Variants in LAMA3 observed in about 807,000 individuals in gnomAD.
LAMA3 encodes laminin subunit alpha-3.
LAMA3 carries 281 observed loss-of-function variants against 402.0 expected under a neutral mutation model. The ratio of observed to expected loss-of-function variants is 0.70; its 90% CI spans 0.63 to 0.77. The LOEUF is 0.77. LAMA3 is among the 30% of genes least tolerant of loss of function. The probability of loss-of-function intolerance (pLI) is 0.00; values close to 1 mark genes in which losing one functional copy is unlikely to be tolerated. For synonymous variants in LAMA3, 1,431 were observed against 1,558.4 expected, an observed-to-expected ratio of 0.92 and a Z score of 1.93; for missense variants, 3,840 against 4,215.5, an observed-to-expected ratio of 0.91 and a Z score of 2.47.
chr18:23,921,181 G>A, intron 61 of LAMA3, 127 bp downstream of exon 61: 2 of 1,101,554 alleles, frequency 1.8e-6, no homozygotes, highest in Non-Finnish European at 2.6e-6. Context: ...TTAACTGAGG[G>A]ATATATCCTT....
At position 23,689,689 on chromosome 18, in the gene LAMA3, G is replaced by A; in HGVS notation, c.6G>A (p.Ala2=). 2 of 1,317,512 alleles carry A rather than the reference G, an allele frequency of 1.5e-6. No individual in the cohort carries two copies. The highest frequency in any genetic ancestry group is 4.4e-5 in the South Asian group (2 of 45,304). The allele number at this position is 1,317,512 out of a possible 1,614,324, so 81.6% of individuals were successfully genotyped here. A position where few individuals can be genotyped will look rare whatever the true frequency, so the allele number is the denominator to read the frequency against. Reference sequence around the variant, plus strand: ...GGAGGACCCCGCGCGGCTGGATGGCGGCGGCCGCGCGGCCTCGGGGTCGGG... The same window carrying A: ...GGAGGACCCCGCGCGGCTGGATGGCAGCGGCCGCGCGGCCTCGGGGTCGGG... The part of the protein sequence containing the change: M[A]AAARPRGRAL... Residue 2 remains alanine (A), a synonymous_variant, in exon 1 of 75, where the codon GCG becomes GCA. Coordinates refer to ENST00000313654, the MANE Select transcript of LAMA3 (RefSeq NM_198129.4).
intron 1 of LAMA3, among the ~76,000 whole-genome samples, chr18:23,711,910 T>C (rs1178672830): frequency 6.6e-6 from 1 of 152,208 alleles, no homozygotes; most frequent in Non-Finnish European, 1.5e-5. Context: ...ATCATAAGCA[T>C]TCCCATTTTG....
At chr18:23,702,148 C>T (rs2060802165) in intron 1 of LAMA3, among the ~76,000 whole-genome samples, 1 of 151,536 alleles carries the variant, frequency 6.6e-6, no homozygotes, top group African/African-American at 2.4e-5. Flanking sequence ...TAAGCAAATT[C>T]ACGAGGTGAG....
chr18:23,824,613 T>G (rs777469889), intron 21 of LAMA3, 48 bp downstream of exon 21: 2 of 1,598,982 alleles, frequency 1.3e-6, no homozygotes, highest in Non-Finnish European at 1.7e-6. Context: ...TCTTCCTACC[T>G]CAGAAGTGGT....
chr18:23,829,739 T>C (rs1026062094), intron 23 of LAMA3, among the ~76,000 whole-genome samples: 2 of 152,232 alleles, frequency 1.3e-5, no homozygotes, highest in Non-Finnish European at 2.9e-5. Flanking sequence ...TAGTGAACAT[T>C]GTACCTAATA....
chr18:23,783,818 C>T (rs779823820), intron 11 of LAMA3, among the ~76,000 whole-genome samples: 9 of 151,604 alleles, frequency 5.9e-5, no homozygotes, highest in East Asian at 1.9e-4. Flanking sequence ...CCCATCCTTA[C>T]GTGTTTTTTT....
chr18:23,858,304 T>C (rs1001569464), intron 33 of LAMA3, among the ~76,000 whole-genome samples: 1 of 152,196 alleles, frequency 6.6e-6, no homozygotes, highest in East Asian at 1.9e-4. Flanking sequence ...TCCTGGACCA[T>C]GGACTCCAGG....
intron 8 of LAMA3, among the ~76,000 whole-genome samples, chr18:23,766,890 G>C (rs1473601751): frequency 6.6e-6 from 1 of 151,776 alleles, no homozygotes; most frequent in Non-Finnish European, 1.5e-5. Flanking sequence ...TCAAGAGAAA[G>C]ATATAGAAGA....
At chr18:23,815,106 G>T in intron 15 of LAMA3, 82 bp from the exon 16 acceptor site, 3 of 1,233,990 alleles carry the variant, frequency 2.4e-6, no homozygotes, top group Non-Finnish European at 3.6e-6. Context: ...CACACGTTGT[G>T]TTGCAGCTGT....
chr18:23,850,714 T>C (rs1293162976), intron 32 of LAMA3, among the ~76,000 whole-genome samples: 2 of 152,252 alleles, frequency 1.3e-5, no homozygotes, highest in Non-Finnish European at 1.5e-5. Context: ...TTTATAGCGA[T>C]GAAAAAGTAA....
At chr18:23,797,714 C>CA (rs751020854) in intron 12 of LAMA3, among the ~76,000 whole-genome samples, 1,725 of 119,648 alleles carry the variant, frequency 0.014, 12 homozygotes, top group Middle Eastern at 0.071. Flanking sequence ...GACTCCGTCT[C>CA]AAAAAAAAAA....
chr18:23,804,419 G>A (rs1239516114), intron 12 of LAMA3, among the ~76,000 whole-genome samples: 1 of 152,188 alleles, frequency 6.6e-6, no homozygotes, highest in East Asian at 1.9e-4. Context: ...TGAGGTAGAA[G>A]ACTCTGGATG....
At chr18:23,824,676 G>C in intron 21 of LAMA3, 111 bp downstream of exon 21, 1 of 1,250,028 alleles carries the variant, frequency 8.0e-7, no homozygotes, top group Non-Finnish European at 1.2e-6. Flanking sequence ...ATCATTGGTG[G>C]TTTTAGACAC....
chr18:23,714,328 T>C (rs998478357), intron 2 of LAMA3, among the ~76,000 whole-genome samples: 24 of 152,242 alleles, frequency 1.6e-4, no homozygotes, highest in Admixed American at 1.5e-3. Flanking sequence ...GAGACCAGCC[T>C]GATCAACATG....
intron 37 of LAMA3, 46 bp downstream of exon 37, chr18:23,867,963 T>C: frequency 7.2e-7 from 1 of 1,391,262 alleles, no homozygotes; most frequent in Non-Finnish European, 1.0e-6. Flanking sequence ...TTTTGTGACT[T>C]AATTATTTCA....
At chr18:23,916,780 C>T in intron 60 of LAMA3, 85 bp downstream of exon 60, 1 of 1,310,506 alleles carries the variant, frequency 7.6e-7, no homozygotes, top group South Asian at 1.2e-5. Context: ...TATAAATGAC[C>T]CACTAGATCT....
Position 23,689,907 on chromosome 18 carries a change from GGCCCCA to G in LAMA3, c.229_234del (p.Gln77_Pro78del). The G allele has an allele frequency of 6.5e-7, 1 of 1,535,318 alleles. No individual in the cohort carries two copies. Among genetic ancestry groups the G allele is most frequent in the Non-Finnish European group, 8.8e-7 (1 of 1,141,056 alleles). ...GGGGAGAGGGGACCCGGCGAGGGGA[GGCCCCA>G]GCCCGAGCTCTACTGCAAGTTGGTC... On this transcript the variant is annotated inframe_deletion, in exon 1 of 75. Transcript: ENST00000313654.
At chr18:23,701,351 GGAGCTGAGAA>G (rs941835167) in intron 1 of LAMA3, among the ~76,000 whole-genome samples, 9 of 152,196 alleles carry the variant, frequency 5.9e-5, no homozygotes, top group Admixed American at 5.9e-4. Flanking sequence ...TCAGAAGTTA[GGAGCTGAGAA>G]TAGGTTCTGG....
intron 52 of LAMA3, among the ~76,000 whole-genome samples, chr18:23,906,790 A>G (rs1320276549): frequency 6.6e-6 from 1 of 152,214 alleles, no homozygotes; most frequent in African/African-American, 2.4e-5. Flanking sequence ...ACAAAATTTG[A>G]GCTTCGAGGT....
Sources: allele counts gnomAD v4.1 joint callset (sites outside exome capture counted in the v4.1 genomes callset), GRCh38; gene constraint gnomAD v4.1.1; transcripts MANE v1.5; gene names NCBI Gene and HGNC (gene_info 2026-07-23, HGNC 2026-07-21).